Variants in GRM5 observed in about 807,000 individuals in gnomAD.
GRM5 encodes metabotropic glutamate receptor 5.
A neutral mutation model predicts 83.1 loss-of-function variants in GRM5; 19 were observed. The observed-to-expected ratio is 0.23, with a 90% CI of 0.16 to 0.34. GRM5 has a LOEUF of 0.34. Among genes scored for constraint, GRM5 ranks in the 10% least tolerant of loss-of-function variants. The pLI is 1.00. For missense variants in GRM5, 1,160 were observed against 1,588.3 expected, an observed-to-expected ratio of 0.73 and a Z score of 4.58; for synonymous variants, 675 against 633.6, an observed-to-expected ratio of 1.07 and a Z score of -0.98.
At chr11:88,881,323 T>TAA (rs1432502039) in intron 2 of GRM5, among the ~76,000 whole-genome samples, 8 of 139,580 alleles carry the variant, frequency 5.7e-5, no homozygotes, top group African/African-American at 7.8e-5. Flanking sequence ...ATAATAGGCC[T>TAA]AAAAAAAAAA....
rs1945027301 is a variant in GRM5 at position 88,885,450 on chromosome 11, G to GGTTTTTTTTTTTTTTTT, written c.662-35296_662-35295insAAAAAAAAAAAAAAAAC. 4.8e-4 allele frequency among the ~76,000 whole-genome samples: 30 copies of GGTTTTTTTTTTTTTTTT among 62,662 alleles called. 10 individuals carry two copies. The highest frequency in any genetic ancestry group is 1.4e-3 in the African/African-American group (23 of 16,890). 41.1% of individuals were successfully genotyped at this position (62,662 alleles called of 152,430 possible). ...TTCTGAATTCTATAGTAGGTACCAT[G>GGTTTTTTTTTTTTTTTT]TTTTTTTTTTTTTTTTTTTTTTTTT... On this transcript the variant is annotated intron_variant, in intron 2 of 9. Transcript: ENST00000305447.
At chr11:88,875,767 T>C (rs910717805) in intron 2 of GRM5, among the ~76,000 whole-genome samples, 2 of 152,072 alleles carry the variant, frequency 1.3e-5, no homozygotes, top group Admixed American at 6.6e-5. Flanking sequence ...ATCAGAGCTC[T>C]TGGGTGCATT....
At chr11:88,787,376 G>A (rs1392091195) in intron 3 of GRM5, among the ~76,000 whole-genome samples, 1 of 152,094 alleles carries the variant, frequency 6.6e-6, no homozygotes, top group Non-Finnish European at 1.5e-5. Context: ...AGAGGATGTG[G>A]AAGACAGTGG....
intron 2 of GRM5, among the ~76,000 whole-genome samples, chr11:88,996,326 TG>T (rs2135059580): frequency 1.3e-5 from 2 of 152,302 alleles, no homozygotes; most frequent in South Asian, 4.1e-4. Flanking sequence ...AGAGAAGAAA[TG>T]GTATTTGGTG....
chr11:88,957,668 C>G (rs1938664170), intron 2 of GRM5, among the ~76,000 whole-genome samples: 1 of 152,080 alleles, frequency 6.6e-6, no homozygotes, highest in African/African-American at 2.4e-5. Context: ...TGCTGGAAAA[C>G]TAACAGGATC....
chr11:88,997,663 C>A (rs1242835488), intron 2 of GRM5, among the ~76,000 whole-genome samples: 33 of 151,930 alleles, frequency 2.2e-4, no homozygotes, highest in Non-Finnish European at 3.7e-4. Flanking sequence ...TAAGGGGATA[C>A]TACAAATAGC....
intron 3 of GRM5, among the ~76,000 whole-genome samples, chr11:88,664,334 GA>G (rs11297218): frequency 0.89 from 134,627 of 151,886 alleles, 60,579 homozygotes; most frequent in Non-Finnish European, 0.98. Flanking sequence ...AAAAAAACTG[GA>G]AAAAAAATGG....
chr11:88,660,994 G>C (rs1220687563), intron 3 of GRM5, among the ~76,000 whole-genome samples: 1 of 152,168 alleles, frequency 6.6e-6, no homozygotes, highest in Non-Finnish European at 1.5e-5. Flanking sequence ...CACTGAACAA[G>C]TATTGTGTAA....
chr11:88,706,673 A>T (rs1267684406), intron 3 of GRM5, among the ~76,000 whole-genome samples: 1 of 152,092 alleles, frequency 6.6e-6, no homozygotes, highest in East Asian at 1.9e-4. Context: ...TGCCTTATCT[A>T]CCAAATCCTC....
intron 3 of GRM5, among the ~76,000 whole-genome samples, chr11:88,673,856 T>C (rs899766951): frequency 8.7e-5 from 13 of 149,734 alleles, no homozygotes; most frequent in African/African-American, 2.5e-4. Context: ...TAGTTCAGTA[T>C]CTGTAATTTC....
intron 7 of GRM5, among the ~76,000 whole-genome samples, chr11:88,577,335 A>G (rs1943133552): frequency 6.6e-6 from 1 of 152,110 alleles, no homozygotes; most frequent in Non-Finnish European, 1.5e-5. Context: ...CAGAAAGAAA[A>G]TATGGGGACA....
At chr11:88,531,635 G>A (rs1942010160) in intron 8 of GRM5, among the ~76,000 whole-genome samples, 1 of 152,092 alleles carries the variant, frequency 6.6e-6, no homozygotes, top group Non-Finnish European at 1.5e-5. Flanking sequence ...AACATATTTG[G>A]TTAAAAATGA....
chr11:88,739,786 T>C lies in GRM5; in HGVS notation c.912-86383A>G, dbSNP rs187607772. Among the ~76,000 whole-genome samples, 10 of 152,206 alleles carry C rather than the reference T, an allele frequency of 6.6e-5. 1 individual carries two copies. In the East Asian group the frequency reaches 7.7e-4, roughly 12 times the overall value. On this transcript the variant is annotated intron_variant, in intron 3 of 9. Coordinates refer to ENST00000305447, the MANE Select transcript of GRM5 (RefSeq NM_001143831.3). ...TGAGGCCTCCCCAGCCATGTGGAAC[T>C]GTGGGTCAATTAAACCTCTTTCCTT...
At chr11:88,885,115 A>G (rs956486892) in intron 2 of GRM5, among the ~76,000 whole-genome samples, 2 of 151,940 alleles carry the variant, frequency 1.3e-5, no homozygotes, top group Non-Finnish European at 2.9e-5. Context: ...GAATTTATAT[A>G]TATTATAAAA....
rs867835316 is a variant in GRM5 at position 89,038,151 on chromosome 11, T to G, written c.661+9061A>C. On this transcript the variant is annotated intron_variant, in intron 2 of 9. Coordinates refer to ENST00000305447, the MANE Select transcript of GRM5 (RefSeq NM_001143831.3). ...GATAATCTCTTTCTTTAGAATCTCA[T>G]TGTGTGTGTGTGTGTGTGTGTGTGT... Among the ~76,000 whole-genome samples the G allele has an allele frequency of 2.8e-3, 406 of 144,690 alleles. 4 individuals carry two copies. The highest frequency in any genetic ancestry group is 4.2e-3 in the South Asian group (19 of 4,544). The allele number at this position is 144,690 out of a possible 152,430, so 94.9% of individuals were successfully genotyped here. A position where few individuals can be genotyped will look rare whatever the true frequency, so the allele number is the denominator to read the frequency against.
At chr11:88,913,449 G>A (rs971625087) in intron 2 of GRM5, among the ~76,000 whole-genome samples, 1 of 151,898 alleles carries the variant, frequency 6.6e-6, no homozygotes, top group Non-Finnish European at 1.5e-5. Context: ...AGAATTCAGG[G>A]TATTTCCTTC....
intron 3 of GRM5, among the ~76,000 whole-genome samples, chr11:88,820,374 C>CAAAAAAAA (rs11457342): frequency 4.4e-5 from 3 of 68,912 alleles, no homozygotes; most frequent in Admixed American, 3.3e-4. Flanking sequence ...AACTCCATCT[C>CAAAAAAAA]AAAAAAAAAA....
At chr11:88,575,315 A>G (rs1362705995) in intron 7 of GRM5, among the ~76,000 whole-genome samples, 1 of 152,290 alleles carries the variant, frequency 6.6e-6, no homozygotes, top group South Asian at 2.1e-4. Flanking sequence ...GGTAAATATC[A>G]TTATCTCTAT....
intron 8 of GRM5, among the ~76,000 whole-genome samples, chr11:88,546,283 A>C (rs1270019699): frequency 6.6e-6 from 1 of 151,774 alleles, no homozygotes; most frequent in Non-Finnish European, 1.5e-5. Flanking sequence ...TTTATGTTTT[A>C]TTGGCATTCT....
Sources: gnomAD v4.1 joint callset for allele counts (sites outside exome capture counted in the v4.1 genomes callset) on GRCh38, gnomAD v4.1.1 for gene constraint, MANE v1.5 for transcripts, NCBI Gene and HGNC (gene_info 2026-07-23, HGNC 2026-07-21) for gene names.